The following PLAA variants were observed in gnomAD, a reference collection of about 807,000 sequenced individuals.
PLAA encodes phospholipase A2 activating protein.
PLAA carries 48 observed loss-of-function variants against 84.1 expected under a neutral mutation model. The ratio of observed to expected loss-of-function variants is 0.57; its 90% CI spans 0.45 to 0.73. The LOEUF is 0.73. Among genes scored for constraint, PLAA ranks in the 30% least tolerant of loss-of-function variants. PLAA has a pLI of 0.00. For missense variants in PLAA, 903 were observed against 954.7 expected (o/e 0.95, Z 0.71); for synonymous variants, 392 against 336.6 (o/e 1.16, Z -1.80).
chr9:26,928,918 C>A (rs1331429283), intron 2 of PLAA, among the ~76,000 whole-genome samples: 2 of 152,166 alleles, frequency 1.3e-5, no homozygotes, highest in Non-Finnish European at 2.9e-5. Flanking sequence ...AAAAATTATG[C>A]CAGGCACAGT....
chr9:26,909,620 T>C (rs533419388), intron 12 of PLAA, among the ~76,000 whole-genome samples: 1 of 151,498 alleles, frequency 6.6e-6, no homozygotes, highest in South Asian at 2.1e-4. Context: ...TTAATTTCTT[T>C]TTTTTTTTTT....
rs766766588 is a variant in PLAA at position 26,917,156 on chromosome 9, C to T, written c.1427G>A (p.Arg476Gln). Residue 476 changes from arginine to glutamine, a missense_variant, in exon 10 of 14, where the codon CGG (arginine) becomes CAG (glutamine). Transcript: ENST00000397292. The stretch of plus-strand genomic sequence containing the variant: ...AGATCCCGAAGAGCCCGGAACATAC[C>T]GACCACCACCTGTGCATGCAAAATA... ...SFSDPFTGGGRYVPGSSGSSN... is the reference protein window; with the variant it reads ...SFSDPFTGGGQYVPGSSGSSN... 7.4e-6 allele frequency: 12 copies of T among 1,613,528 alleles called. No individual in the cohort carries two copies. Among genetic ancestry groups the T allele is most frequent in the South Asian group, 1.1e-5 (1 of 91,044 alleles).
At chr9:26,942,679 C>A (rs542462098) in intron 1 of PLAA, among the ~76,000 whole-genome samples, 1 of 151,898 alleles carries the variant, frequency 6.6e-6, no homozygotes, top group Non-Finnish European at 1.5e-5. Context: ...TCAGGAGATC[C>A]AGACCATCCT....
At chr9:26,930,083 G>A (rs1011560472) in intron 2 of PLAA, among the ~76,000 whole-genome samples, 9 of 151,492 alleles carry the variant, frequency 5.9e-5, no homozygotes, top group African/African-American at 2.2e-4. Context: ...GCTTTTAAAA[G>A]CCAGTGCCTT....
rs1409739163 is a variant in PLAA, at chr9:26,907,829, T to A, written c.1822+5A>T. The A allele has an allele frequency of 6.3e-7, 1 of 1,592,222 alleles. No individual in the cohort carries two copies. Among genetic ancestry groups the A allele is most frequent in the African/African-American group, 1.4e-5 (1 of 73,488 alleles). ...TGGTTACATTTTTGAAGAGTGTTTA[T>A]TTACCTTCAGGACAGTTAATAGCTT... On this transcript the variant is annotated splice_donor_5th_base_variant and intron_variant, in intron 13 of 13. Transcript: ENST00000397292.
chr9:26,918,309 T>TA (rs1554658800), intron 9 of PLAA, among the ~76,000 whole-genome samples: 1 of 149,666 alleles, frequency 6.7e-6, no homozygotes, highest in African/African-American at 2.5e-5. Context: ...TTTTTTTTTT[T>TA]AGTAGAGACA....
chr9:26,946,839 C>T, intron 1 of PLAA, 58 bp downstream of exon 1: 2 of 1,506,658 alleles, frequency 1.3e-6, no homozygotes, highest in Non-Finnish European at 1.8e-6. Flanking sequence ...GGTCACTCTC[C>T]TTCCACTCTC....
intron 2 of PLAA, among the ~76,000 whole-genome samples, chr9:26,929,882 A>T (rs1825114548): frequency 6.6e-6 from 1 of 151,784 alleles, no homozygotes; most frequent in South Asian, 2.1e-4. Flanking sequence ...TGCTGTGGTA[A>T]CTCTCCCTTT....
intron 1 of PLAA, among the ~76,000 whole-genome samples, chr9:26,937,497 C>T (rs115772264): frequency 0.011 from 1,617 of 152,168 alleles, 23 homozygotes; most frequent in African/African-American, 0.037. Context: ...AAAAATCACA[C>T]GCATACAAAT....
intron 1 of PLAA, among the ~76,000 whole-genome samples, chr9:26,937,471 C>A (rs769272910): frequency 7.2e-5 from 11 of 152,126 alleles, no homozygotes; most frequent in Admixed American, 6.5e-4. Flanking sequence ...TAAATGTTCA[C>A]TTTCAACCAC....
Position 26,904,710 on chromosome 9 carries a change from G to A in PLAA, c.*801C>T, listed in dbSNP as rs938943347. 6 of 152,122 alleles carry A rather than the reference G, an allele frequency of 3.9e-5. No homozygotes were observed. Among genetic ancestry groups the A allele is most frequent in the Admixed American group, 3.9e-4 (6 of 15,264 alleles). 9.4% of individuals were successfully genotyped at this position (152,122 alleles called of 1,614,324 possible). A position where few individuals can be genotyped will look rare whatever the true frequency, so the allele number is the denominator to read the frequency against. On this transcript the variant is annotated 3_prime_UTR_variant, in exon 14 of 14. Coordinates refer to ENST00000397292, the MANE Select transcript of PLAA (RefSeq NM_001031689.3). ...AAATAATACAGTTTGATGTACTCTT[G>A]CTTATGTAACCACCTGATAAAATTC...
intron 1 of PLAA, among the ~76,000 whole-genome samples, chr9:26,941,289 G>C (rs895907116): frequency 5.3e-5 from 8 of 151,946 alleles, no homozygotes; most frequent in African/African-American, 1.9e-4. Flanking sequence ...TCTTTGAATG[G>C]GGGGACATAA....
At chr9:26,915,734 T>A (rs1455682049) in intron 10 of PLAA, 1 of 985,002 alleles carries the variant, frequency 1.0e-6, no homozygotes, top group Non-Finnish European at 1.2e-6. Context: ...AATTACTGCA[T>A]CTTCTGAGTT....
At chr9:26,917,826 A>G (rs1160620373) in intron 9 of PLAA, among the ~76,000 whole-genome samples, 1 of 152,212 alleles carries the variant, frequency 6.6e-6, no homozygotes, top group East Asian at 1.9e-4. Context: ...ACAAAAAACA[A>G]AAAACAGTAA....
intron 2 of PLAA, among the ~76,000 whole-genome samples, chr9:26,932,903 G>A (rs897317106): frequency 1.3e-5 from 2 of 152,164 alleles, no homozygotes; most frequent in Non-Finnish European, 2.9e-5. Context: ...GGGAGACTGA[G>A]GCGGGTGGAT....
intron 12 of PLAA, among the ~76,000 whole-genome samples, chr9:26,908,917 A>G (rs1587148394): frequency 6.6e-6 from 1 of 151,996 alleles, no homozygotes; most frequent in Admixed American, 6.5e-5. Flanking sequence ...GAAATAGTCA[A>G]AGAGTTAAAT....
intron 9 of PLAA, among the ~76,000 whole-genome samples, chr9:26,918,174 C>A (rs891832754): frequency 2.0e-5 from 3 of 151,880 alleles, no homozygotes; most frequent in Non-Finnish European, 4.4e-5. Flanking sequence ...TGCAATGGTG[C>A]GATCTTGGCT....
rs1825310354 is a variant in PLAA at position 26,934,900 on chromosome 9, C to T, written c.343+113G>A. On this transcript the variant is annotated intron_variant, in intron 2 of 13. Coordinates refer to ENST00000397292, the MANE Select transcript of PLAA (RefSeq NM_001031689.3). ...CAAAAGCGTTTCCATTACCAAACCACAGATATAGGTAAAACAAAATATAAT... is the reference window on the plus strand; with the variant it reads ...CAAAAGCGTTTCCATTACCAAACCATAGATATAGGTAAAACAAAATATAAT... The T allele has an allele frequency of 3.9e-6, 3 of 770,550 alleles. No individual in the cohort carries two copies. The East Asian group carries it at 8.8e-5, about 23-fold the overall frequency. 47.7% of individuals were successfully genotyped at this position (770,550 alleles called of 1,614,324 possible).
chr9:26,935,018 T>C lies in PLAA; in HGVS notation c.338A>G (p.Asn113Ser), dbSNP rs748318565. Residue 113 changes from asparagine (N) to serine (S), a missense_variant, in exon 2 of 14, where the codon AAT becomes AGT. Physicochemically the swap from Asn to Ser is conservative, Grantham distance 46 (BLOSUM62 1). Transcript: ENST00000397292. ...CAAAGCATTATTATACTCACCAGTA[T>C]TTTTGTGGCCTTTTAGAATATAAAG... is the stretch of plus-strand genomic sequence containing the variant. Reference protein sequence around the residue: ...MPLYILKGHKNTVCSLSSGKF... With the variant: ...MPLYILKGHKSTVCSLSSGKF... 6 of 1,586,222 alleles carry C rather than the reference T, an allele frequency of 3.8e-6. No homozygotes were observed. The Admixed American group carries it at 1.1e-4, about 29-fold the overall frequency.
Sources: gnomAD v4.1 joint callset for allele counts (sites outside exome capture counted in the v4.1 genomes callset) on GRCh38, gnomAD v4.1.1 for gene constraint, MANE v1.5 for transcripts, NCBI Gene and HGNC (gene_info 2026-07-23, HGNC 2026-07-21) for gene names.